PHKB: variants seen among roughly 807,000 people sequenced by gnomAD.
PHKB encodes the protein phosphorylase b kinase regulatory subunit beta.
A neutral mutation model predicts 152.1 loss-of-function variants in PHKB; 122 were observed. That is an observed-to-expected ratio of 0.80 (90% CI 0.69 to 0.93). The LOEUF is 0.93. Ranked by LOEUF, PHKB falls within the 40% of genes least tolerant of loss-of-function variation. The pLI is 0.00. For missense variants in PHKB, 1,304 were observed against 1,328.4 expected (o/e 0.98, Z 0.29); for synonymous variants, 436 against 464.9 (o/e 0.94, Z 0.80).
intron 6 of PHKB, among the ~76,000 whole-genome samples, chr16:47,524,493 G>A (rs1970734260): frequency 6.6e-6 from 1 of 152,196 alleles, no homozygotes; most frequent in African/African-American, 2.4e-5. Flanking sequence ...ACCAGGCTGG[G>A]TGGGGTGGCT....
chr16:47,680,605 G>A (rs184086478), intron 26 of PHKB, among the ~76,000 whole-genome samples: 6 of 152,120 alleles, frequency 3.9e-5, no homozygotes, highest in Admixed American at 6.6e-5. Context: ...CTGTGGGATC[G>A]GTGGTGATAT....
chr16:47,544,393 C>T (rs553082817), intron 6 of PHKB, among the ~76,000 whole-genome samples: 202 of 152,186 alleles, frequency 1.3e-3, no homozygotes, highest in Admixed American at 4.4e-3. Context: ...TGTAGTTGTG[C>T]GGTTTTGAGT....
chr16:47,579,993 C>G (rs1167037747), intron 7 of PHKB, among the ~76,000 whole-genome samples: 1 of 152,040 alleles, frequency 6.6e-6, no homozygotes, highest in Non-Finnish European at 1.5e-5. Flanking sequence ...TAAAGTTCGT[C>G]TTTTTTTCTT....
At position 47,660,759 on chromosome 16, in the gene PHKB, G is replaced by A. The variant is rs200274360; in HGVS notation, c.2136G>A (p.Pro712=). The change falls in exon 22 of 31, where the codon CCG becomes CCA. Residue 712 remains proline, a synonymous_variant. Coordinates refer to ENST00000323584, the MANE Select transcript of PHKB (RefSeq NM_000293.3). ...GTGCTCCTGAACTGGGACAGCAGCCGGATGTCAACATTAGTGAATGGAAGG... is the reference window on the plus strand; with the variant it reads ...GTGCTCCTGAACTGGGACAGCAGCCAGATGTCAACATTAGTGAATGGAAGG... ...TPSAPELGQQ[P]DVNISEWKDK... 110 of 1,614,040 alleles carry A rather than the reference G, an allele frequency of 6.8e-5. No individual in the cohort carries two copies. Among genetic ancestry groups the A allele is most frequent in the East Asian group, 4.9e-4 (22 of 44,868 alleles).
rs537408981 is a variant in PHKB, at chr16:47,606,760, A to G, written c.1364-4066A>G. ...CCCCTGCATGTTCTCTTCCAGGCCC[A>G]TGGAGAAATCCTGCTGTAGTGAGTG... On this transcript the variant is annotated intron_variant, in intron 13 of 30. Coordinates refer to ENST00000323584, the MANE Select transcript of PHKB (RefSeq NM_000293.3). Among the ~76,000 whole-genome samples the G allele has an allele frequency of 5.5e-4, 84 of 152,242 alleles. 1 individual carries two copies. The South Asian group carries it at 0.016, about 29-fold the overall frequency.
intron 26 of PHKB, among the ~76,000 whole-genome samples, chr16:47,686,091 A>G (rs2142099124): frequency 6.6e-6 from 1 of 152,304 alleles, no homozygotes; most frequent in East Asian, 1.9e-4. Context: ...TGCTTGAATG[A>G]GTGAAAAACC....
chr16:47,661,221 T>C (rs1197682833), intron 22 of PHKB, among the ~76,000 whole-genome samples: 1 of 152,110 alleles, frequency 6.6e-6, no homozygotes, highest in African/African-American at 2.4e-5. Flanking sequence ...AAAGCAATCC[T>C]TTCACTGTGC....
intron 25 of PHKB, chr16:47,666,148 A>G: frequency 3.9e-6 from 3 of 763,236 alleles, no homozygotes. Context: ...AATCAGATTT[A>G]TAAGGGCTCA....
At chr16:47,544,233 A>G (rs1971116664) in intron 6 of PHKB, among the ~76,000 whole-genome samples, 1 of 152,222 alleles carries the variant, frequency 6.6e-6, no homozygotes, top group African/African-American at 2.4e-5. Flanking sequence ...TTAGTGCTAT[A>G]AATTTCCCTC....
At chr16:47,570,960 T>C (rs1005741203) in intron 7 of PHKB, among the ~76,000 whole-genome samples, 20 of 152,258 alleles carry the variant, frequency 1.3e-4, no homozygotes, top group Non-Finnish European at 2.8e-4. Context: ...CTGGGTTCTT[T>C]TTTTTTCCCC....
rs1043960499 is a variant in PHKB, at chr16:47,473,218, ATTTTTTTTTTTTTT to A, written c.76+11813_76+11826del. On this transcript the variant is annotated intron_variant, in intron 1 of 30. Transcript: ENST00000323584. ...AGGTGTGCACTACCATGCCTGGCTA[ATTTTTTTTTTTTTT>A]TTTTTTTTTTTTTTTTTTTTATTGT... Among the ~76,000 whole-genome samples the A allele has an allele frequency of 3.1e-3, 152 of 48,770 alleles. 1 individual carries two copies. The highest frequency in any genetic ancestry group is 9.9e-3 in the South Asian group (8 of 810). The allele number at this position is 48,770 out of a possible 152,430, so 32.0% of individuals were successfully genotyped here.
At chr16:47,677,701 T>C (rs1973759038) in intron 26 of PHKB, among the ~76,000 whole-genome samples, 1 of 152,080 alleles carries the variant, frequency 6.6e-6, no homozygotes, top group Non-Finnish European at 1.5e-5. Flanking sequence ...GCTTCAACAT[T>C]TGAATTTGGA....
intron 20 of PHKB, 46 bp from the exon 21 acceptor site, chr16:47,660,460 G>A: frequency 2.0e-6 from 3 of 1,484,220 alleles, no homozygotes; most frequent in Non-Finnish European, 2.8e-6. Context: ...TTAGAGTATG[G>A]CTTGATGTAT....
At position 47,558,896 on chromosome 16, in the gene PHKB, T is replaced by C. The variant is rs1971428724; in HGVS notation, c.710+11348T>C. ...ATTTAGATGACAATTTCCAAATTCA[T>C]CCCATAGCTGTTTTTTTATACCATT... On this transcript the variant is annotated intron_variant, in intron 7 of 30. Coordinates refer to ENST00000323584, the MANE Select transcript of PHKB (RefSeq NM_000293.3). 2.0e-5 allele frequency among the ~76,000 whole-genome samples: 3 copies of C among 152,202 alleles called. No homozygotes were observed. In the South Asian group the frequency reaches 6.2e-4, roughly 32 times the overall value.
At chr16:47,555,995 C>T (rs535962133) in intron 7 of PHKB, among the ~76,000 whole-genome samples, 17 of 152,216 alleles carry the variant, frequency 1.1e-4, no homozygotes, top group Non-Finnish European at 2.2e-4. Flanking sequence ...CTTCATGTCC[C>T]TTGTAAGTTG....
At chr16:47,516,100 T>G (rs1166525178) in intron 6 of PHKB, among the ~76,000 whole-genome samples, 1 of 152,086 alleles carries the variant, frequency 6.6e-6, no homozygotes, top group Non-Finnish European at 1.5e-5. Context: ...GCTAATTTTT[T>G]GTATTTTAGT....
At chr16:47,662,442 G>A (rs918085133) in intron 23 of PHKB, among the ~76,000 whole-genome samples, 10 of 152,130 alleles carry the variant, frequency 6.6e-5, no homozygotes, top group Non-Finnish European at 1.2e-4. Context: ...TTAATGTCTA[G>A]CTATTCAAAA....
In PHKB at chr16:47,650,855, A is replaced by G; in HGVS notation, c.1905A>G (p.Leu635=). Residue 635 remains leucine, a synonymous_variant, in exon 20 of 31, where the codon TTA becomes TTG. Transcript: ENST00000323584. ...GAGGTAGCCGGTTCAACCCCATATT[A>G]GATATGCTGGCAGCCCTTAAAAAAG... is the stretch of plus-strand genomic sequence containing the variant. The part of the protein sequence containing the change: ...NIRGSRFNPI[L]DMLAALKKGI... The G allele has an allele frequency of 6.2e-7, 1 of 1,613,340 alleles. No homozygotes were observed. Among genetic ancestry groups the G allele is most frequent in the Non-Finnish European group, 8.5e-7 (1 of 1,179,334 alleles).
At chr16:47,559,500 G>A (rs1597085490) in intron 7 of PHKB, among the ~76,000 whole-genome samples, 1 of 152,090 alleles carries the variant, frequency 6.6e-6, no homozygotes, top group Non-Finnish European at 1.5e-5. Context: ...TTTGCTCAGG[G>A]TCTCTAATGT....
Sources: gnomAD v4.1 joint callset for allele counts (sites outside exome capture counted in the v4.1 genomes callset) on GRCh38, gnomAD v4.1.1 for gene constraint, MANE v1.5 for transcripts, NCBI Gene and HGNC (gene_info 2026-07-23, HGNC 2026-07-21) for gene names.